Variants in NRG3 observed in about 807,000 individuals in gnomAD.
NRG3 encodes the protein pro-neuregulin-3, membrane-bound isoform.
A neutral mutation model predicts 66.9 loss-of-function variants in NRG3; 31 were observed. The ratio of observed to expected loss-of-function variants is 0.46; its 90% CI spans 0.35 to 0.63. NRG3 has a LOEUF of 0.63. Among genes scored for constraint, NRG3 ranks in the 20% least tolerant of loss-of-function variants. The probability of loss-of-function intolerance (pLI) is 0.00; values close to 1 mark genes in which losing one functional copy is unlikely to be tolerated. For missense variants in NRG3, 910 were observed against 878.9 expected (o/e 1.04, Z -0.45); for synonymous variants, 393 against 359.4 (o/e 1.09, Z -1.06).
In NRG3 at chr10:81,998,838, T is replaced by C. The variant is rs182102860; in HGVS notation, c.823+122675T>C. ...TTTAAAAAACATAGCATGAAAACTT[T>C]GTGTGTGTGTGTCTGTTGCCCAGGC... On this transcript the variant is annotated intron_variant, in intron 1 of 8. Coordinates refer to ENST00000372141, the MANE Select transcript of NRG3 (RefSeq NM_001010848.4). Among the ~76,000 whole-genome samples, 103 of 152,182 alleles carry C rather than the reference T, an allele frequency of 6.8e-4. 1 individual carries two copies. Among genetic ancestry groups the C allele is most frequent in the African/African-American group, 2.1e-3 (88 of 41,550 alleles).
At chr10:82,655,058 T>G (rs2051730626) in intron 2 of NRG3, among the ~76,000 whole-genome samples, 1 of 151,870 alleles carries the variant, frequency 6.6e-6, no homozygotes, top group Admixed American at 6.6e-5. Context: ...TAAAATATAT[T>G]AAATAAAATG....
chr10:82,196,480 G>A (rs1246543664), intron 1 of NRG3, among the ~76,000 whole-genome samples: 1 of 152,106 alleles, frequency 6.6e-6, no homozygotes, highest in Non-Finnish European at 1.5e-5. Flanking sequence ...CACTTTCAAT[G>A]CCTGTGGCAT....
At chr10:82,344,080 T>A (rs897169076) in intron 1 of NRG3, among the ~76,000 whole-genome samples, 6 of 151,572 alleles carry the variant, frequency 4.0e-5, no homozygotes, top group Non-Finnish European at 8.8e-5. Context: ...TTTTTTATTA[T>A]ACTTTAAGTT....
intron 2 of NRG3, among the ~76,000 whole-genome samples, chr10:82,591,335 T>C (rs1245969047): frequency 1.3e-5 from 2 of 152,194 alleles, no homozygotes; most frequent in Non-Finnish European, 2.9e-5. Context: ...GAAAAAATGA[T>C]AATGATACAA....
At chr10:82,153,340 G>A (rs1271189294) in intron 1 of NRG3, among the ~76,000 whole-genome samples, 7 of 151,656 alleles carry the variant, frequency 4.6e-5, no homozygotes, top group Non-Finnish European at 1.0e-4. Flanking sequence ...TTAACATAAT[G>A]TCTTTCAGTT....
chr10:82,674,960 T>TTTATTTATTTAC (rs2053567335), intron 2 of NRG3, among the ~76,000 whole-genome samples: 4 of 150,888 alleles, frequency 2.7e-5, no homozygotes, highest in Admixed American at 2.6e-4. Context: ...TATTTATTTA[T>TTTATTTATTTAC]TTATTTATTT....
At chr10:82,869,275 G>A (rs61860680) in intron 4 of NRG3, among the ~76,000 whole-genome samples, 2,059 of 152,202 alleles carry the variant, frequency 0.014, 24 homozygotes, top group Non-Finnish European at 0.02. Flanking sequence ...GATTTCTCAC[G>A]TATCTTCTGT....
chr10:82,661,609 G>A (rs149669409), intron 2 of NRG3, among the ~76,000 whole-genome samples: 2 of 152,296 alleles, frequency 1.3e-5, no homozygotes, highest in Admixed American at 6.5e-5. Flanking sequence ...GTGTTTGTGT[G>A]TATGCGTGTG....
Position 82,050,747 on chromosome 10 carries a change from G to T in NRG3, c.823+174584G>T, listed in dbSNP as rs190123660. Among the ~76,000 whole-genome samples, 3 of 138,162 alleles carry T rather than the reference G, an allele frequency of 2.2e-5. No homozygotes were observed. The East Asian group carries it at 6.3e-4, about 29-fold the overall frequency. 90.6% of individuals were successfully genotyped at this position (138,162 alleles called of 152,430 possible). A position where few individuals can be genotyped will look rare whatever the true frequency, so the allele number is the denominator to read the frequency against. On this transcript the variant is annotated intron_variant, in intron 1 of 8. Coordinates refer to ENST00000372141, the MANE Select transcript of NRG3 (RefSeq NM_001010848.4). ...CTTTAACCACCAAGACTCTGATAAT[G>T]TCTCGTTTCCTCCTCCCATCTCTAC... is the stretch of plus-strand genomic sequence containing the variant.
At chr10:82,008,172 C>A (rs1589762899) in intron 1 of NRG3, among the ~76,000 whole-genome samples, 1 of 152,238 alleles carries the variant, frequency 6.6e-6, no homozygotes, top group East Asian at 1.9e-4. Context: ...TATTTCCTTA[C>A]AATCCGATGG....
At chr10:81,964,702 A>G (rs1186769297) in intron 1 of NRG3, among the ~76,000 whole-genome samples, 2 of 152,166 alleles carry the variant, frequency 1.3e-5, no homozygotes, top group African/African-American at 4.8e-5. Flanking sequence ...AGGCCATTCC[A>G]CAGAGAGTCA....
At chr10:82,724,068 A>G (rs2057458805) in intron 2 of NRG3, among the ~76,000 whole-genome samples, 1 of 149,958 alleles carries the variant, frequency 6.7e-6, no homozygotes, top group Non-Finnish European at 1.5e-5. Context: ...GCTTCAGAAA[A>G]AAAAAGAAAA....
chr10:82,445,759 A>G (rs2090688862), intron 2 of NRG3, among the ~76,000 whole-genome samples: 1 of 152,036 alleles, frequency 6.6e-6, no homozygotes, highest in Non-Finnish European at 1.5e-5. Context: ...AACTTGTATA[A>G]CTCTGTTTCA....
At chr10:82,140,515 TGA>T (rs1006076433) in intron 1 of NRG3, among the ~76,000 whole-genome samples, 3 of 152,190 alleles carry the variant, frequency 2.0e-5, no homozygotes, top group African/African-American at 7.2e-5. Context: ...ATTTATTAAA[TGA>T]GTTTCCAAAA....
At chr10:82,563,277 G>T (rs2045175484) in intron 2 of NRG3, among the ~76,000 whole-genome samples, 1 of 152,010 alleles carries the variant, frequency 6.6e-6, no homozygotes, top group Admixed American at 6.6e-5. Flanking sequence ...AGAAAAATTG[G>T]ATGTACATAT....
intron 2 of NRG3, among the ~76,000 whole-genome samples, chr10:82,696,377 T>C (rs991861213): frequency 2.6e-5 from 4 of 152,170 alleles, no homozygotes; most frequent in Non-Finnish European, 2.9e-5. Context: ...CATTCTGACC[T>C]TGTAGTTTAT....
rs544011276 is a variant in NRG3, at chr10:82,902,462, CTTTT to C, written c.1054+37029_1054+37032del. On this transcript the variant is annotated intron_variant, in intron 4 of 8. Transcript: ENST00000372141. ...GGGTCTTTTGTCTCAGTCAAGGGGTCTTTTTTTATGTCAGGGCCACGTGGTCTTA... is the reference window on the plus strand; with the variant it reads ...GGGTCTTTTGTCTCAGTCAAGGGGTCTTTATGTCAGGGCCACGTGGTCTTA... Among the ~76,000 whole-genome samples, 18 of 151,914 alleles carry C rather than the reference CTTTT, an allele frequency of 1.2e-4. No homozygotes were observed. The East Asian group carries it at 2.9e-3, about 24-fold the overall frequency.
At chr10:82,658,254 AAATT>A (rs1311560712) in intron 2 of NRG3, among the ~76,000 whole-genome samples, 1 of 152,152 alleles carries the variant, frequency 6.6e-6, no homozygotes, top group African/African-American at 2.4e-5. Flanking sequence ...TAACATTTGA[AAATT>A]AATCATTGTA....
At chr10:82,242,817 C>A (rs1205950813) in intron 1 of NRG3, among the ~76,000 whole-genome samples, 1 of 152,206 alleles carries the variant, frequency 6.6e-6, no homozygotes, top group Non-Finnish European at 1.5e-5. Context: ...CATCTGACCA[C>A]TTCTGCCTTA....
Sources: gnomAD v4.1 joint callset for allele counts (sites outside exome capture counted in the v4.1 genomes callset) on GRCh38, gnomAD v4.1.1 for gene constraint, MANE v1.5 for transcripts, NCBI Gene and HGNC (gene_info 2026-07-23, HGNC 2026-07-21) for gene names.